The following KIF1A variants were observed in gnomAD, a reference collection of about 807,000 sequenced individuals.
KIF1A encodes the protein kinesin-like protein KIF1A.
KIF1A carries 46 observed loss-of-function variants against 227.3 expected under a neutral mutation model. That is an observed-to-expected ratio of 0.20 (90% CI 0.16 to 0.26). The LOEUF (loss-of-function observed/expected upper bound fraction) is 0.26, where lower values mean the gene tolerates loss of function less well. Among genes scored for constraint, KIF1A ranks in the 10% least tolerant of loss-of-function variants. KIF1A has a pLI of 1.00. For synonymous variants in KIF1A, 1,022 were observed against 1,012.8 expected (o/e 1.01, Z -0.17); for missense variants, 1,683 against 2,485.9 (o/e 0.68, Z 6.87).
At position 240,727,547 on chromosome 2, in the gene KIF1A, G is replaced by A. The variant is rs528154044; in HGVS notation, c.4008-607C>T. 4.1e-4 allele frequency among the ~76,000 whole-genome samples: 63 copies of A among 152,338 alleles called. No homozygotes were observed. In the South Asian group the frequency reaches 0.011, roughly 26 times the overall value. ...GGTCCATTGGGAAGAGGAAGGCCCC[G>A]GGGGGAGGATGCTTGGCATGGAGGC... On this transcript the variant is annotated intron_variant, in intron 38 of 48. Transcript: ENST00000498729.
chr2:240,730,405 C>T (rs1327890864), intron 38 of KIF1A, among the ~76,000 whole-genome samples: 3 of 152,132 alleles, frequency 2.0e-5, no homozygotes, highest in Non-Finnish European at 4.4e-5. Context: ...GCTGGGAGGG[C>T]CTTGGAGACC....
chr2:240,781,372 TCC>T lies in KIF1A; in HGVS notation c.882+1216_882+1217del, dbSNP rs202164930. Among the ~76,000 whole-genome samples, 8 of 2,144 alleles carry T rather than the reference TCC, an allele frequency of 3.7e-3. 2 individuals are homozygous for T. Among genetic ancestry groups the T allele is most frequent in the African/African-American group, 0.014 (4 of 288 alleles). The allele number at this position is 2,144 out of a possible 152,430, so 1.4% of individuals were successfully genotyped here. ...ACACAGCTCCACACACACACACAGC[TCC>T]CCACACACACACACAGCTCCACACA... On this transcript the variant is annotated intron_variant, in intron 10 of 48. Transcript: ENST00000498729.
chr2:240,720,017 GA>G, intron 45 of KIF1A, 91 bp from the exon 46 acceptor site: 1 of 1,382,110 alleles, frequency 7.2e-7, no homozygotes. Flanking sequence ...GAGCACCTCA[GA>G]AGGTGCAGTA....
At chr2:240,797,393 G>C (rs2056521178) in intron 2 of KIF1A, among the ~76,000 whole-genome samples, 1 of 152,202 alleles carries the variant, frequency 6.6e-6, no homozygotes, top group South Asian at 2.1e-4. Context: ...AGCTCAGAGA[G>C]AGTGAGGCCC....
chr2:240,811,193 T>G (rs2057834319), intron 1 of KIF1A, among the ~76,000 whole-genome samples: 1 of 152,054 alleles, frequency 6.6e-6, no homozygotes, highest in South Asian at 2.1e-4. Flanking sequence ...GTTGAAACCC[T>G]GTCTCTACTA....
Position 240,796,955 on chromosome 2 carries a change from G to A in KIF1A, c.106+692C>T, listed in dbSNP as rs531495031. Among the ~76,000 whole-genome samples the A allele has an allele frequency of 2.0e-4, 31 of 152,292 alleles. 1 individual carries two copies. Among genetic ancestry groups the A allele is most frequent in the East Asian group, 1.5e-3 (8 of 5,178 alleles). ...ATGAGGGCATGTCGGATGGGTGCAC[G>A]GCACCTGTGAATGGGAAGGCTGTCA... is the stretch of plus-strand genomic sequence containing the variant. On this transcript the variant is annotated intron_variant, in intron 2 of 48. Coordinates refer to ENST00000498729, the MANE Select transcript of KIF1A (RefSeq NM_001244008.2).
chr2:240,720,018 A>T, intron 45 of KIF1A, 92 bp from the exon 46 acceptor site: 1 of 1,365,700 alleles, frequency 7.3e-7, no homozygotes, highest in South Asian at 1.4e-5. Flanking sequence ...AGCACCTCAG[A>T]AGGTGCAGTA....
chr2:240,771,021 C>T lies in KIF1A; in HGVS notation c.1291G>A (p.Glu431Lys), dbSNP rs1215532195. 5.0e-6 allele frequency: 8 copies of T among 1,612,984 alleles called. No individual in the cohort carries two copies. The highest frequency in any genetic ancestry group is 1.7e-5 in the Admixed American group (1 of 59,972). The change falls in exon 15 of 49, where the codon GAG (glutamate) becomes AAG (lysine). Residue 431 changes from glutamate (E) to lysine (K), a missense_variant. This residue lies in a region of KIF1A where 110 missense variants were observed against 133.1 expected (regional missense o/e 0.83). Transcript: ENST00000498729. ...SRAASVSSLH[E>K]RILFAPGSEE... ...CTGCCCGGGGCAAACAAGATGCGCTCGTGGAGGCTGGACACGGAGGCCGCG... is the reference window on the plus strand; with the variant it reads ...CTGCCCGGGGCAAACAAGATGCGCTTGTGGAGGCTGGACACGGAGGCCGCG...
intron 1 of KIF1A, among the ~76,000 whole-genome samples, chr2:240,805,091 GGGGAGGGAGAGGGGA>G (rs1553641579): frequency 6.7e-5 from 4 of 59,942 alleles, no homozygotes; most frequent in South Asian, 2.1e-3. Flanking sequence ...GGGAGGGAGA[GGGGAGGGAGAGGGGA>G]GGGAGGGAGA....
intron 4 of KIF1A, among the ~76,000 whole-genome samples, 155 bp from the exon 5 acceptor site, chr2:240,787,471 GA>G (rs1190656688): frequency 6.6e-6 from 1 of 152,198 alleles, no homozygotes; most frequent in Non-Finnish European, 1.5e-5. Flanking sequence ...AAGGCACTGA[GA>G]AAGTCTGTAG....
At chr2:240,731,979 A>G (rs1575536643) in intron 38 of KIF1A, among the ~76,000 whole-genome samples, 1 of 96,460 alleles carries the variant, frequency 1.0e-5, no homozygotes. Flanking sequence ...AGACTAGGAG[A>G]GGAGCCAATG....
chr2:240,723,885 T>C (rs1213083556), intron 41 of KIF1A, 90 bp downstream of exon 41: 5 of 1,125,132 alleles, frequency 4.4e-6, no homozygotes, highest in Non-Finnish European at 6.8e-6. Flanking sequence ...GGGATCCCCC[T>C]GCAAATGGCA....
At chr2:240,746,967 G>C (rs937962937) in intron 29 of KIF1A, among the ~76,000 whole-genome samples, 1 of 152,218 alleles carries the variant, frequency 6.6e-6, no homozygotes, top group African/African-American at 2.4e-5. Context: ...CTGGAGGCTC[G>C]TGTTGTCCAC....
At chr2:240,815,479 T>A (rs2058250024) in intron 1 of KIF1A, among the ~76,000 whole-genome samples, 1 of 152,084 alleles carries the variant, frequency 6.6e-6, no homozygotes, top group South Asian at 2.1e-4. Flanking sequence ...GGGGTGCCTG[T>A]CATTCCTAAG....
chr2:240,787,942 T>C, intron 4 of KIF1A, 109 bp downstream of exon 4: 1 of 1,076,098 alleles, frequency 9.3e-7, no homozygotes, highest in Non-Finnish European at 1.3e-6. Flanking sequence ...CCCTCCTGAC[T>C]CCCTGCTCTC....
chr2:240,767,384 G>C, intron 17 of KIF1A, 39 bp from the exon 18 acceptor site: 1 of 1,538,920 alleles, frequency 6.5e-7, no homozygotes, highest in Non-Finnish European at 9.0e-7. Flanking sequence ...TTGCAGAGGG[G>C]CAGGAGCCTG....
At chr2:240,768,044 C>T (rs1181392710) in intron 17 of KIF1A, among the ~76,000 whole-genome samples, 1 of 152,228 alleles carries the variant, frequency 6.6e-6, no homozygotes, top group East Asian at 1.9e-4. Flanking sequence ...GTGCCCACAG[C>T]TTTGGGGCTG....
At chr2:240,719,524 C>T (rs1029552392) in intron 46 of KIF1A, among the ~76,000 whole-genome samples, 3 of 152,258 alleles carry the variant, frequency 2.0e-5, no homozygotes, top group Non-Finnish European at 4.4e-5. Flanking sequence ...CACCCACTCC[C>T]CTGTGCTCTG....
chr2:240,783,629 C>T (rs2054356473), intron 8 of KIF1A, 110 bp downstream of exon 8: 3 of 787,892 alleles, frequency 3.8e-6, no homozygotes, highest in Non-Finnish European at 6.1e-6. Flanking sequence ...TATGCAGGCT[C>T]ACCCTCAGGG....
Sources: gnomAD v4.1 joint callset for allele counts (sites outside exome capture counted in the v4.1 genomes callset) on GRCh38, gnomAD v4.1.1 for gene constraint, gnomAD v4.1.1 regional missense constraint, MANE v1.5 for transcripts, NCBI Gene and HGNC (gene_info 2026-07-23, HGNC 2026-07-21) for gene names.